Variants in KAZN observed in about 807,000 individuals in gnomAD.
KAZN encodes the protein kazrin.
In KAZN, 40 loss-of-function variants were observed where a neutral mutation model predicts 87.4. The observed-to-expected ratio is 0.46, with a 90% confidence interval of 0.36 to 0.60. KAZN has a LOEUF of 0.60. Among genes scored for constraint, KAZN ranks in the 20% least tolerant of loss-of-function variants. The pLI is 0.00. For synonymous variants in KAZN, 466 were observed against 458.3 expected (o/e 1.02, Z -0.22); for missense variants, 898 against 1,073.9 (o/e 0.84, Z 2.29).
At chr1:15,069,216 G>C (rs1639398626) in intron 8 of KAZN, among the ~76,000 whole-genome samples, 1 of 152,008 alleles carries the variant, frequency 6.6e-6, no homozygotes, top group Non-Finnish European at 1.5e-5. Context: ...CAATTGAAGA[G>C]CCCTTCCTGC....
chr1:14,924,530 G>A, intron 1 of KAZN: 5 of 1,010,460 alleles, frequency 4.9e-6, no homozygotes, highest in Non-Finnish European at 5.9e-6. Flanking sequence ...GCCCCGCGCC[G>A]GGGTTCCCCG....
intron 1 of KAZN, among the ~76,000 whole-genome samples, chr1:14,825,987 G>A (rs963715875): frequency 6.6e-6 from 1 of 152,206 alleles, no homozygotes; most frequent in African/African-American, 2.4e-5. Flanking sequence ...TGGACAGCTG[G>A]CTGAATGGTA....
chr1:15,089,185 G>A (rs1232449737), intron 8 of KAZN, among the ~76,000 whole-genome samples: 6 of 152,012 alleles, frequency 3.9e-5, no homozygotes, highest in Non-Finnish European at 4.4e-5. Context: ...TCTTCTGGGG[G>A]ACTCAGGAGC....
intron 2 of KAZN, among the ~76,000 whole-genome samples, chr1:14,529,894 G>A (rs1261763536): frequency 2.0e-5 from 3 of 152,198 alleles, no homozygotes; most frequent in Non-Finnish European, 2.9e-5. Flanking sequence ...GCTGCTTATG[G>A]AGCCACATGC....
At chr1:14,736,928 G>A (rs560981910) in intron 1 of KAZN, among the ~76,000 whole-genome samples, 6 of 152,238 alleles carry the variant, frequency 3.9e-5, no homozygotes, top group Middle Eastern at 3.4e-3. Flanking sequence ...AGGATATAGA[G>A]AACAAAACAG....
At chr1:15,041,267 C>G (rs1182853254) in intron 3 of KAZN, among the ~76,000 whole-genome samples, 6 of 150,994 alleles carry the variant, frequency 4.0e-5, no homozygotes, top group Non-Finnish European at 8.8e-5. Flanking sequence ...CGGCTCCTAG[C>G]CAGACCTTCA....
intron 1 of KAZN, among the ~76,000 whole-genome samples, chr1:14,066,888 G>A (rs567646265): frequency 6.6e-6 from 1 of 152,286 alleles, no homozygotes; most frequent in South Asian, 2.1e-4. Flanking sequence ...CTCTGTCCTT[G>A]TGTGTTCCTG....
At chr1:14,863,062 C>G (rs1021989846) in intron 1 of KAZN, among the ~76,000 whole-genome samples, 1 of 151,486 alleles carries the variant, frequency 6.6e-6, no homozygotes, top group Admixed American at 6.6e-5. Flanking sequence ...CAGGATGAGA[C>G]GCTTCTGTAG....
chr1:14,909,347 G>A (rs984999150), intron 1 of KAZN, among the ~76,000 whole-genome samples: 1 of 152,104 alleles, frequency 6.6e-6, no homozygotes, highest in Non-Finnish European at 1.5e-5. Context: ...GATTCCCCAT[G>A]GCCTCTGCCC....
intron 2 of KAZN, among the ~76,000 whole-genome samples, chr1:14,220,365 G>A (rs60245231): frequency 0.014 from 2,096 of 152,132 alleles, 50 homozygotes; most frequent in African/African-American, 0.047. Context: ...TAGCTTCTCC[G>A]CTTCCTGGTC....
At chr1:14,552,512 C>T (rs1273509298) in intron 2 of KAZN, among the ~76,000 whole-genome samples, 1 of 152,228 alleles carries the variant, frequency 6.6e-6, no homozygotes, top group Non-Finnish European at 1.5e-5. Flanking sequence ...GGAAACTGCT[C>T]CCTGTATTTT....
chr1:14,818,331 C>A (rs1646634109), intron 1 of KAZN, among the ~76,000 whole-genome samples: 1 of 152,202 alleles, frequency 6.6e-6, no homozygotes, highest in Non-Finnish European at 1.5e-5. Context: ...CCCACTAAAA[C>A]TGGGTGATCT....
At chr1:14,418,792 G>C (rs925812374) in intron 2 of KAZN, among the ~76,000 whole-genome samples, 2 of 152,206 alleles carry the variant, frequency 1.3e-5, no homozygotes, top group South Asian at 4.1e-4. Context: ...TCAAAGTCAT[G>C]AAATTCGCCT....
chr1:14,573,976 A>G (rs554189100), intron 2 of KAZN, among the ~76,000 whole-genome samples: 5 of 152,296 alleles, frequency 3.3e-5, no homozygotes, highest in South Asian at 2.1e-4. Flanking sequence ...AACCATTCCT[A>G]TTGATCTAGT....
intron 1 of KAZN, among the ~76,000 whole-genome samples, chr1:14,603,230 T>C (rs936356414): frequency 6.6e-6 from 1 of 152,246 alleles, no homozygotes; most frequent in African/African-American, 2.4e-5. Context: ...GACTTTTATC[T>C]TTTTTGAGAA....
chr1:15,007,677 T>C (rs973453917), intron 2 of KAZN, among the ~76,000 whole-genome samples: 1 of 152,100 alleles, frequency 6.6e-6, no homozygotes, highest in Non-Finnish European at 1.5e-5. Flanking sequence ...GGCAGGTAGC[T>C]CACCTGCCCG....
chr1:15,031,814 T>G (rs1216687577), intron 2 of KAZN, among the ~76,000 whole-genome samples: 2 of 152,154 alleles, frequency 1.3e-5, no homozygotes, highest in Non-Finnish European at 2.9e-5. Context: ...TCTCACCATG[T>G]CGTCCAGGCT....
intron 2 of KAZN, among the ~76,000 whole-genome samples, chr1:14,975,052 C>G (rs978427913): frequency 4.6e-5 from 7 of 152,226 alleles, no homozygotes; most frequent in African/African-American, 1.7e-4. Context: ...GTGGGGTGGC[C>G]TCTGGCTTTG....
At chr1:14,880,976 T>C (rs564927714) in intron 1 of KAZN, among the ~76,000 whole-genome samples, 9 of 152,266 alleles carry the variant, frequency 5.9e-5, no homozygotes, top group African/African-American at 1.9e-4. Flanking sequence ...TAGCCTCCAG[T>C]TAACATGGGG....
Sources: allele counts gnomAD v4.1 joint callset (sites outside exome capture counted in the v4.1 genomes callset), GRCh38; gene constraint gnomAD v4.1.1; transcripts MANE v1.5; gene names NCBI Gene and HGNC (gene_info 2026-07-23, HGNC 2026-07-21).